Variants in GTF2E1 observed in about 807,000 individuals in gnomAD.
The protein encoded by GTF2E1 is TFIIE alpha subunit.
Under a neutral mutation model 34.9 loss-of-function variants are expected in GTF2E1, and 14 were observed. The observed-to-expected ratio is 0.40, with a 90% CI of 0.27 to 0.63. The LOEUF is 0.63. GTF2E1 is among the 20% of genes least tolerant of loss of function. The pLI, the probability that GTF2E1 is intolerant of heterozygous loss-of-function variation, is 0.39. For synonymous variants in GTF2E1, 188 were observed against 192.9 expected (o/e 0.97, Z 0.21); for missense variants, 469 against 557.7 (o/e 0.84, Z 1.60).
intron 4 of GTF2E1, among the ~76,000 whole-genome samples, chr3:120,779,348 CTTCTT>C (rs979204784): frequency 1.3e-5 from 2 of 151,988 alleles, no homozygotes; most frequent in African/African-American, 4.8e-5. Flanking sequence ...CATTCCTTAC[CTTCTT>C]TTCTTTCTGT....
At chr3:120,742,821 C>T in intron 1 of GTF2E1, 27 bp downstream of exon 1, 1 of 412,584 alleles carries the variant, frequency 2.4e-6, no homozygotes, top group Non-Finnish European at 4.5e-6. Flanking sequence ...GTTCCTTGTT[C>T]GGAGTTCCCT....
chr3:120,742,761 CA>C lies in GTF2E1; in HGVS notation c.-63del, dbSNP rs1358733691. 1 of 547,598 alleles carries C rather than the reference CA, an allele frequency of 1.8e-6. No homozygotes were observed. The highest frequency in any genetic ancestry group is 3.3e-6 in the Non-Finnish European group (1 of 303,962). 33.9% of individuals were successfully genotyped at this position (547,598 alleles called of 1,614,324 possible). A position where few individuals can be genotyped will look rare whatever the true frequency, so the allele number is the denominator to read the frequency against. ...AAGCCGGTAGTTGAAGCGCTGGGGG[CA>C]GCTGTAGTGGGAGTGTTCCAGGATT... On this transcript the variant is annotated 5_prime_UTR_variant, in exon 1 of 5. Transcript: ENST00000283875.
chr3:120,771,337 C>A (rs183820963), intron 3 of GTF2E1, among the ~76,000 whole-genome samples: 1 of 152,174 alleles, frequency 6.6e-6, no homozygotes, highest in African/African-American at 2.4e-5. Flanking sequence ...ATTTTAATCA[C>A]CTTTATTTCT....
intron 3 of GTF2E1, among the ~76,000 whole-genome samples, chr3:120,771,637 A>C (rs188985508): frequency 2.2e-4 from 33 of 152,240 alleles, no homozygotes; most frequent in Admixed American, 1.6e-3. Context: ...ACTCCCTTCC[A>C]AAGAGCTCAA....
At chr3:120,768,956 C>T (rs1014813811) in intron 2 of GTF2E1, among the ~76,000 whole-genome samples, 3 of 152,178 alleles carry the variant, frequency 2.0e-5, no homozygotes, top group Admixed American at 6.5e-5. Flanking sequence ...TGCACCATTT[C>T]TCTTTCTCAA....
At chr3:120,780,901 A>T in intron 4 of GTF2E1, 142 bp from the exon 5 acceptor site, 1 of 599,398 alleles carries the variant, frequency 1.7e-6, no homozygotes. Context: ...TGAATATTTT[A>T]TGGATAGCAG....
chr3:120,775,905 A>G (rs2107613202), intron 3 of GTF2E1, among the ~76,000 whole-genome samples: 1 of 152,338 alleles, frequency 6.6e-6, no homozygotes, highest in Admixed American at 6.5e-5. Flanking sequence ...GGTTGAGGTC[A>G]GGCTTTGTAG....
chr3:120,758,379 A>G (rs1427870403), intron 2 of GTF2E1, among the ~76,000 whole-genome samples: 1 of 152,138 alleles, frequency 6.6e-6, no homozygotes, highest in African/African-American at 2.4e-5. Flanking sequence ...GAAGCCCTTT[A>G]GAAATCTAAC....
At chr3:120,764,394 C>G (rs1709289850) in intron 2 of GTF2E1, among the ~76,000 whole-genome samples, 2 of 152,180 alleles carry the variant, frequency 1.3e-5, no homozygotes. Flanking sequence ...TTGATCTTCC[C>G]TGTTTCCTTG....
intron 2 of GTF2E1, among the ~76,000 whole-genome samples, chr3:120,767,349 A>ATAAAAAG (rs1709318256): frequency 6.6e-6 from 1 of 152,194 alleles, no homozygotes; most frequent in Non-Finnish European, 1.5e-5. Flanking sequence ...ATGGTCCAGT[A>ATAAAAAG]TAAAAAGTGT....
At chr3:120,743,662 A>G (rs190071704) in intron 1 of GTF2E1, among the ~76,000 whole-genome samples, 2 of 152,340 alleles carry the variant, frequency 1.3e-5, no homozygotes, top group East Asian at 1.9e-4. Flanking sequence ...GGCCTCCATG[A>G]GGAAATATCA....
chr3:120,776,782 A>G (rs1709404703), intron 4 of GTF2E1, 118 bp downstream of exon 4: 2 of 825,460 alleles, frequency 2.4e-6, no homozygotes, highest in Non-Finnish European at 3.7e-6. Context: ...TAATTGCATT[A>G]TATTAGGAAG....
intron 4 of GTF2E1, among the ~76,000 whole-genome samples, chr3:120,780,215 A>C (rs563133692): frequency 4.6e-5 from 7 of 152,262 alleles, no homozygotes; most frequent in Non-Finnish European, 5.9e-5. Flanking sequence ...CAAGATAAAT[A>C]TCTGTTGTGG....
At chr3:120,745,651 A>G (rs972121345) in intron 1 of GTF2E1, among the ~76,000 whole-genome samples, 1 of 152,214 alleles carries the variant, frequency 6.6e-6, no homozygotes, top group Non-Finnish European at 1.5e-5. Context: ...GGGGCAGGGA[A>G]GGAGAATACA....
intron 2 of GTF2E1, among the ~76,000 whole-genome samples, chr3:120,763,435 A>G (rs1709281461): frequency 6.6e-6 from 1 of 152,184 alleles, no homozygotes; most frequent in Non-Finnish European, 1.5e-5. Context: ...ATTCAGTGGG[A>G]GGGGAAAACG....
At position 120,755,351 on chromosome 3, in the gene GTF2E1, C is replaced by T. The variant is rs533613461; in HGVS notation, c.448+4351C>T. ...TTGAGATTCCTTTTCTGTTCCCTTA[C>T]CCTAACATTTAAAAATTTTTAAGAT... is the stretch of plus-strand genomic sequence containing the variant. On this transcript the variant is annotated intron_variant, in intron 2 of 4. Coordinates refer to ENST00000283875, the MANE Select transcript of GTF2E1 (RefSeq NM_005513.3). Among the ~76,000 whole-genome samples, 3 of 152,296 alleles carry T rather than the reference C, an allele frequency of 2.0e-5. 1 individual carries two copies. The South Asian group carries it at 6.2e-4, about 32-fold the overall frequency.
chr3:120,778,635 G>A (rs910470730), intron 4 of GTF2E1, among the ~76,000 whole-genome samples: 36 of 152,104 alleles, frequency 2.4e-4, no homozygotes, highest in African/African-American at 8.5e-4. Context: ...GAGACATAGT[G>A]ACCAGAATGA....
At chr3:120,778,448 A>G (rs1449541669) in intron 4 of GTF2E1, among the ~76,000 whole-genome samples, 2 of 152,172 alleles carry the variant, frequency 1.3e-5, no homozygotes, top group South Asian at 2.1e-4. Context: ...TCATGTTGAT[A>G]TCTTTCACAA....
At chr3:120,769,301 A>C (rs1485897937) in intron 2 of GTF2E1, among the ~76,000 whole-genome samples, 2 of 152,174 alleles carry the variant, frequency 1.3e-5, no homozygotes, top group South Asian at 4.1e-4. Context: ...ATTAGTCAAA[A>C]GCTATCAGGT....
Sources: allele counts gnomAD v4.1 joint callset (sites outside exome capture counted in the v4.1 genomes callset), GRCh38; gene constraint gnomAD v4.1.1; transcripts MANE v1.5; gene names NCBI Gene and HGNC (gene_info 2026-07-23, HGNC 2026-07-21).